Variants in PCNX1 observed in about 807,000 individuals in gnomAD.
PCNX1 encodes the protein pecanex-like protein 1.
A neutral mutation model predicts 242.2 loss-of-function variants in PCNX1; 78 were observed. The observed-to-expected ratio is 0.32, with a 90% CI of 0.27 to 0.39. PCNX1 has a LOEUF of 0.39. Ranked by LOEUF, PCNX1 falls within the 10% of genes least tolerant of loss-of-function variation. The pLI is 1.00. For synonymous variants in PCNX1, 1,024 were observed against 1,032.9 expected, an observed-to-expected ratio of 0.99 and a Z score of 0.17; for missense variants, 2,581 against 2,856.5, an observed-to-expected ratio of 0.90 and a Z score of 2.20.
intron 5 of PCNX1, 107 bp downstream of exon 5, chr14:70,969,217 A>G (rs774449067): frequency 1.4e-6 from 1 of 703,690 alleles, no homozygotes; most frequent in Non-Finnish European, 2.6e-6. Flanking sequence ...ATTTAATATG[A>G]TATTTAAGGA....
At chr14:71,079,926 T>A in intron 28 of PCNX1, among the ~76,000 whole-genome samples, 1 of 152,214 alleles carries the variant, frequency 6.6e-6, no homozygotes, top group Non-Finnish European at 1.5e-5. Context: ...TTTTGGTGTT[T>A]TAGTCATGAA....
intron 1 of PCNX1, among the ~76,000 whole-genome samples, chr14:70,923,502 C>T (rs1014106472): frequency 5.9e-5 from 9 of 152,006 alleles, no homozygotes; most frequent in African/African-American, 1.5e-4. Flanking sequence ...GAAAGGTTGC[C>T]GTTTTCTACC....
chr14:71,018,077 A>G (rs2060005139), intron 11 of PCNX1, among the ~76,000 whole-genome samples: 1 of 152,078 alleles, frequency 6.6e-6, no homozygotes, highest in African/African-American at 2.4e-5. Context: ...CATTTTTGGT[A>G]TATTGTCTTT....
chr14:71,074,480 A>G (rs75838999), intron 27 of PCNX1, among the ~76,000 whole-genome samples: 3,988 of 152,330 alleles, frequency 0.026, 76 homozygotes, highest in Non-Finnish European at 0.043. Flanking sequence ...GAAGAGGTAC[A>G]TAGGATATTG....
rs1171772526 is a variant in PCNX1 at position 71,057,660 on chromosome 14, A to G, written c.4788A>G (p.Leu1596=). The part of the protein sequence containing the change: ...FILASDYLNA[L]VHLIEIGNGL... Reference sequence around the variant, plus strand: ...TTGCCTCTGACTATCTCAATGCATTAGTACACCTTATAGAGATAGGCAATG... The same window carrying G: ...TTGCCTCTGACTATCTCAATGCATTGGTACACCTTATAGAGATAGGCAATG... Residue 1596 remains leucine (L), a synonymous_variant, in exon 26 of 36, where the codon TTA becomes TTG. Transcript: ENST00000304743. 6.2e-7 allele frequency: 1 copy of G among 1,613,994 alleles called. No individual in the cohort carries two copies. The highest frequency in any genetic ancestry group is 8.5e-7 in the Non-Finnish European group (1 of 1,179,870).
Position 70,907,826 on chromosome 14 carries a change from GCGA to G in PCNX1, c.-22_-20del, listed in dbSNP as rs1372726125. 1 of 1,254,236 alleles carries G rather than the reference GCGA, an allele frequency of 8.0e-7. No individual in the cohort carries two copies. The allele number at this position is 1,254,236 out of a possible 1,614,324, so 77.7% of individuals were successfully genotyped here. A position where few individuals can be genotyped will look rare whatever the true frequency, so the allele number is the denominator to read the frequency against. On this transcript the variant is annotated 5_prime_UTR_variant, in exon 1 of 36. Coordinates refer to ENST00000304743, the MANE Select transcript of PCNX1 (RefSeq NM_014982.3). ...GGCGGGGACGGCGGCGGCGGCGGCGGCGACGGCGGCGGCGCCGGGTGGGGATGG... is the reference window on the plus strand; with the variant it reads ...GGCGGGGACGGCGGCGGCGGCGGCGGCGGCGGCGGCGCCGGGTGGGGATGG...
intron 2 of PCNX1, 96 bp from the exon 3 acceptor site, chr14:70,962,130 T>G (rs1188014728): frequency 1.3e-6 from 1 of 779,906 alleles, no homozygotes; most frequent in Admixed American, 2.0e-5. Context: ...ACCTCTTAGT[T>G]TTGTGGAAAA....
chr14:71,035,003 T>C (rs1595324173), intron 18 of PCNX1, among the ~76,000 whole-genome samples: 1 of 152,316 alleles, frequency 6.6e-6, no homozygotes, highest in Middle Eastern at 3.4e-3. Context: ...AGTTTTCACA[T>C]GTCAAAAGAC....
chr14:71,105,140 T>C, intron 32 of PCNX1, 95 bp from the exon 33 acceptor site: 1 of 864,378 alleles, frequency 1.2e-6, no homozygotes, highest in Middle Eastern at 2.4e-4. Flanking sequence ...TGAACATTAG[T>C]AGCATTTGCA....
chr14:70,985,237 G>T (rs2058965030), intron 6 of PCNX1, among the ~76,000 whole-genome samples: 1 of 152,018 alleles, frequency 6.6e-6, no homozygotes. Context: ...TATTTTAGAT[G>T]GAGTTTCACT....
At chr14:71,027,603 A>G (rs190195386) in intron 15 of PCNX1, among the ~76,000 whole-genome samples, 39 of 152,034 alleles carry the variant, frequency 2.6e-4, no homozygotes, top group African/African-American at 8.7e-4. Context: ...TTTATAGTTC[A>G]TTTCTCTACA....
intron 9 of PCNX1, among the ~76,000 whole-genome samples, 164 bp from the exon 10 acceptor site, chr14:71,011,328 C>T (rs1211761526): frequency 6.6e-6 from 1 of 152,126 alleles, no homozygotes; most frequent in Non-Finnish European, 1.5e-5. Flanking sequence ...TGAATGTAGT[C>T]ACTGACCCAG....
rs537071818 is a variant in PCNX1, at chr14:71,027,975, G to T, written c.3467-725G>T. On this transcript the variant is annotated intron_variant, in intron 15 of 35. Transcript: ENST00000304743. The stretch of plus-strand genomic sequence containing the variant: ...AACTTATGCAAGGTATTAGGTTTCT[G>T]ATATCTCATAAGGAATTATTTCTGT... Among the ~76,000 whole-genome samples the T allele has an allele frequency of 4.0e-5, 6 of 151,758 alleles. No individual in the cohort carries two copies. The East Asian group carries it at 9.7e-4, about 24-fold the overall frequency.
At chr14:70,926,762 A>G (rs2056609407) in intron 1 of PCNX1, among the ~76,000 whole-genome samples, 1 of 152,196 alleles carries the variant, frequency 6.6e-6, no homozygotes, top group Non-Finnish European at 1.5e-5. Flanking sequence ...GTGAAAAAAA[A>G]ATCTTATTCT....
chr14:71,109,437 T>C lies in PCNX1; in HGVS notation c.6745-15T>C, dbSNP rs768555660. On this transcript the variant is annotated splice_polypyrimidine_tract_variant and intron_variant, in intron 34 of 35. Coordinates refer to ENST00000304743, the MANE Select transcript of PCNX1 (RefSeq NM_014982.3). ...AGAAAAAAATGAATTGGAAATGTTT[T>C]TATTTACCATGTAGATTGTGGATCC... 3.2e-6 allele frequency: 5 copies of C among 1,587,052 alleles called. No homozygotes were observed. In the Admixed American group the frequency reaches 9.4e-5, roughly 30 times the overall value.
chr14:71,092,811 C>G (rs2062171818), intron 30 of PCNX1: 1 of 152,220 alleles, frequency 6.6e-6, no homozygotes, highest in South Asian at 2.1e-4. Flanking sequence ...AAAAGATAAA[C>G]ACCAACTGCT....
intron 20 of PCNX1, among the ~76,000 whole-genome samples, chr14:71,046,086 A>G (rs1248891782): frequency 6.6e-6 from 1 of 152,004 alleles, no homozygotes; most frequent in Non-Finnish European, 1.5e-5. Flanking sequence ...TAAATCATTC[A>G]GTTGCTTGAA....
intron 2 of PCNX1, among the ~76,000 whole-genome samples, chr14:70,951,876 C>T (rs2057794109): frequency 1.3e-5 from 2 of 152,098 alleles, no homozygotes; most frequent in South Asian, 2.1e-4. Flanking sequence ...TCTTTATTCA[C>T]TTATCTTTTA....
chr14:70,978,704 A>C, intron 6 of PCNX1, 56 bp downstream of exon 6: 1 of 1,419,740 alleles, frequency 7.0e-7, no homozygotes, highest in South Asian at 1.3e-5. Flanking sequence ...TCATACTATT[A>C]ATTAGAGTAG....
Sources: allele counts gnomAD v4.1 joint callset (sites outside exome capture counted in the v4.1 genomes callset), GRCh38; gene constraint gnomAD v4.1.1; transcripts MANE v1.5; gene names NCBI Gene and HGNC (gene_info 2026-07-23, HGNC 2026-07-21).